Variants in CBR4 observed in about 807,000 individuals in gnomAD.
CBR4 encodes the protein 3-oxoacyl-[acyl-carrier-protein] reductase.
CBR4 carries 22 observed loss-of-function variants against 21.0 expected under a neutral mutation model. That is an observed-to-expected ratio of 1.05 (90% CI 0.75 to 1.50). The LOEUF is 1.50. Ranked by LOEUF, CBR4 falls within the 40% of genes most tolerant of loss-of-function variation. The probability of loss-of-function intolerance (pLI) is 0.00; values close to 1 mark genes in which losing one functional copy is unlikely to be tolerated. For missense variants in CBR4, 302 were observed against 286.3 expected (o/e 1.05, Z -0.40); for synonymous variants, 100 against 104.4 (o/e 0.96, Z 0.26).
chr4:168,973,308 A>T (rs997654009), intron 2 of CBR4, among the ~76,000 whole-genome samples: 4 of 151,530 alleles, frequency 2.6e-5, no homozygotes, highest in Non-Finnish European at 5.9e-5. Context: ...TTTAGGGAGG[A>T]TTCTCTCTTT....
At chr4:168,956,597 C>CAAAAAAAAAAAAAAAAAAAA (rs59962690) in intron 2 of CBR4, among the ~76,000 whole-genome samples, 1 of 29,674 alleles carries the variant, frequency 3.4e-5, no homozygotes. Flanking sequence ...GACCCTGTCT[C>CAAAAAAAAAAAAAAAAAAAA]AAAAAAAAAA....
At chr4:168,990,403 ATT>A (rs1560982292) in intron 4 of CBR4, 75 bp from the exon 5 acceptor site, 8 of 1,282,814 alleles carry the variant, frequency 6.2e-6, no homozygotes, top group South Asian at 2.2e-5. Flanking sequence ...AAAATAATAA[ATT>A]TGTTTCTGAA....
chr4:168,901,290 C>G (rs1480774269), intron 2 of CBR4, among the ~76,000 whole-genome samples: 1 of 152,068 alleles, frequency 6.6e-6, no homozygotes, highest in Non-Finnish European at 1.5e-5. Flanking sequence ...TTTATTCCTC[C>G]CTTGACATGC....
intron 2 of CBR4, among the ~76,000 whole-genome samples, chr4:168,916,963 C>A (rs1760258250): frequency 6.6e-6 from 1 of 151,610 alleles, no homozygotes; most frequent in Admixed American, 6.6e-5. Context: ...GCCACAGTGC[C>A]CCGCCCCCAT....
Position 168,897,114 on chromosome 4 carries a change from G to A in CBR4, n.170-2349C>T, listed in dbSNP as rs116931119. On this transcript the variant is annotated intron_variant and non_coding_transcript_variant, in intron 2 of 3. Coordinates refer to the CBR4 transcript ENST00000509108. ...CCAAAGCGCTGGGAATACGGCATGAGCCACAGTGCCTGGCCTCTGACTTGA... is the reference window on the plus strand; with the variant it reads ...CCAAAGCGCTGGGAATACGGCATGAACCACAGTGCCTGGCCTCTGACTTGA... Among the ~76,000 whole-genome samples the A allele has an allele frequency of 4.6e-5, 7 of 152,288 alleles. No homozygotes were observed. The East Asian group carries it at 1.4e-3, about 29-fold the overall frequency.
Position 169,010,048 on chromosome 4 carries a change from A to G in CBR4, c.42T>C (p.Ile14=). The G allele has an allele frequency of 6.2e-7, 1 of 1,613,732 alleles. No homozygotes were observed. Among genetic ancestry groups the G allele is most frequent in the Non-Finnish European group, 8.5e-7 (1 of 1,179,910 alleles). The change falls in exon 1 of 5, where the codon ATT becomes ATC. Residue 14 remains isoleucine, a synonymous_variant. Transcript: ENST00000306193. ...CCATTAACTGGGCCACAGCTCTGCC[A>G]ATGCCTCGGGAGCCTCCAAAAACAG... ...VCAVFGGSRG[I]GRAVAQLMAR...
intron 4 of CBR4, among the ~76,000 whole-genome samples, chr4:168,991,359 TTAGG>T (rs1264042414): frequency 2.0e-5 from 3 of 152,246 alleles, no homozygotes; most frequent in East Asian, 1.9e-4. Flanking sequence ...TAATTTTCAC[TTAGG>T]TAGGGATAGA....
chr4:168,931,835 G>A (rs566095849), intron 2 of CBR4, among the ~76,000 whole-genome samples: 3 of 152,224 alleles, frequency 2.0e-5, no homozygotes, highest in South Asian at 4.2e-4. Flanking sequence ...TCAGCAGACT[G>A]GATTACAGCT....
Position 169,002,175 on chromosome 4 carries a change from C to A in CBR4, c.431G>T (p.Gly144Val). ...GSIVGLKGNS[G>V]QSVYSASKGG... ...TTTACTGGCACTGTAAACGGACTGG[C>A]CAGAGTTGCCTTTTAAGCCAACAAT... The change falls in exon 4 of 5, where the codon GGC becomes GTC. Residue 144 changes from glycine to valine, a missense_variant. By Grantham distance (109) the Gly-to-Val change is moderately radical. Coordinates refer to ENST00000306193, the MANE Select transcript of CBR4 (RefSeq NM_032783.5). 6.6e-7 allele frequency: 1 copy of A among 1,507,448 alleles called. No individual in the cohort carries two copies. Among genetic ancestry groups the A allele is most frequent in the South Asian group, 1.3e-5 (1 of 74,792 alleles). The allele number at this position is 1,507,448 out of a possible 1,614,324, so 93.4% of individuals were successfully genotyped here. A position where few individuals can be genotyped will look rare whatever the true frequency, so the allele number is the denominator to read the frequency against.
intron 2 of CBR4, chr4:168,896,424 AC>A (rs1755184229): frequency 1.5e-6 from 1 of 673,614 alleles, no homozygotes; most frequent in African/African-American, 1.8e-5. Context: ...GTGAGTACTC[AC>A]AGCACCGTTA....
intron 4 of CBR4, among the ~76,000 whole-genome samples, chr4:168,993,829 G>T (rs1012696410): frequency 6.6e-6 from 1 of 152,050 alleles, no homozygotes; most frequent in Non-Finnish European, 1.5e-5. Context: ...CAAATCCCAG[G>T]CTCAACTTCT....
chr4:168,988,274 G>A lies in CBR4; in HGVS notation c.*1876C>T, dbSNP rs1013687842. ...TTCCACCAGTTTGAGATAGGCTGGGGGAGGAGGTGGAATAGCTTAAAAGGT... is the reference window on the plus strand; with the variant it reads ...TTCCACCAGTTTGAGATAGGCTGGGAGAGGAGGTGGAATAGCTTAAAAGGT... On this transcript the variant is annotated 3_prime_UTR_variant, in exon 5 of 5. Coordinates refer to ENST00000306193, the MANE Select transcript of CBR4 (RefSeq NM_032783.5). The A allele has an allele frequency of 4.1e-6, 4 of 985,188 alleles. No individual in the cohort carries two copies. The African/African-American group carries it at 7.0e-5, about 17-fold the overall frequency. The allele number at this position is 985,188 out of a possible 1,614,324, so 61.0% of individuals were successfully genotyped here. A position where few individuals can be genotyped will look rare whatever the true frequency, so the allele number is the denominator to read the frequency against.
Position 168,928,007 on chromosome 4 carries a change from T to G in CBR4, n.170-33242A>C, listed in dbSNP as rs191203497. On this transcript the variant is annotated intron_variant and non_coding_transcript_variant, in intron 2 of 3. Transcript: ENST00000509108. The stretch of plus-strand genomic sequence containing the variant: ...TTATATCTGTGTACCACCCCATATA[T>G]TTCATATTACTGTTTCACATGTACA... The G allele has an allele frequency of 2.5e-4, 49 of 195,542 alleles. No individual in the cohort carries two copies. In the Admixed American group the frequency reaches 2.6e-3, roughly 10 times the overall value. The allele number at this position is 195,542 out of a possible 1,614,324, so 12.1% of individuals were successfully genotyped here. A position where few individuals can be genotyped will look rare whatever the true frequency, so the allele number is the denominator to read the frequency against.
chr4:168,966,505 C>T (rs188760542), intron 2 of CBR4, among the ~76,000 whole-genome samples: 45 of 149,758 alleles, frequency 3.0e-4, no homozygotes, highest in East Asian at 1.6e-3. Context: ...TCAGCCTGGA[C>T]GACAGAGCGA....
At chr4:168,904,640 A>G (rs1757237508) in intron 2 of CBR4, among the ~76,000 whole-genome samples, 1 of 152,148 alleles carries the variant, frequency 6.6e-6, no homozygotes, top group Non-Finnish European at 1.5e-5. Context: ...GTTTTACTAA[A>G]GTCTGCAAAA....
intron 2 of CBR4, chr4:168,915,837 A>G: frequency 7.3e-7 from 1 of 1,370,512 alleles, no homozygotes; most frequent in Non-Finnish European, 1.0e-6. Context: ...GATGACTAAA[A>G]GTCTGGAAGT....
intron 2 of CBR4, among the ~76,000 whole-genome samples, chr4:168,899,039 C>T (rs1755870812): frequency 6.6e-6 from 1 of 152,074 alleles, no homozygotes; most frequent in African/African-American, 2.4e-5. Flanking sequence ...TTTCCAAGGT[C>T]AGAGAGCTGG....
chr4:168,952,444 T>C (rs1399409566), intron 2 of CBR4, among the ~76,000 whole-genome samples: 1 of 152,180 alleles, frequency 6.6e-6, no homozygotes. Context: ...TTGGTTTGGA[T>C]CCATTGCTGC....
intron 1 of CBR4, among the ~76,000 whole-genome samples, chr4:169,008,772 TC>T (rs1731133971): frequency 6.6e-6 from 1 of 152,170 alleles, no homozygotes; most frequent in Non-Finnish European, 1.5e-5. Context: ...TCACCACTCT[TC>T]CCCTCCTTTG....
Sources: gnomAD v4.1 joint callset for allele counts (sites outside exome capture counted in the v4.1 genomes callset) on GRCh38, gnomAD v4.1.1 for gene constraint, MANE v1.5 for transcripts, NCBI Gene and HGNC (gene_info 2026-07-23, HGNC 2026-07-21) for gene names.